The following PTPRD variants were observed in gnomAD, a reference collection of about 807,000 sequenced individuals.
The protein encoded by PTPRD is protein tyrosine phosphatase receptor type D, also known as receptor-type tyrosine-protein phosphatase delta.
In PTPRD, 34 loss-of-function variants were observed where a neutral mutation model predicts 214.5. The ratio of observed to expected loss-of-function variants is 0.16; its 90% confidence interval spans 0.12 to 0.21. The LOEUF is 0.21. Among genes scored for constraint, PTPRD ranks in the 10% least tolerant of loss-of-function variants. The pLI, the probability that PTPRD is intolerant of heterozygous loss-of-function variation, is 1.00. For missense variants in PTPRD, 2,545 were observed against 2,398.7 expected (o/e 1.06, Z -1.27); for synonymous variants, 1,128 against 845.7 (o/e 1.33, Z -5.79).
chr9:9,879,311 C>T (rs2067885012), intron 5 of PTPRD, among the ~76,000 whole-genome samples: 1 of 152,126 alleles, frequency 6.6e-6, no homozygotes, highest in South Asian at 2.1e-4. Context: ...CATCCCTGGC[C>T]TCTATCCATG....
At chr9:9,736,291 ATCTC>A (rs2098293462) in intron 6 of PTPRD, among the ~76,000 whole-genome samples, 4 of 152,122 alleles carry the variant, frequency 2.6e-5, no homozygotes, top group East Asian at 3.9e-4. Context: ...CATGTACTAC[ATCTC>A]TCTCTCTGTG....
intron 5 of PTPRD, among the ~76,000 whole-genome samples, chr9:9,832,146 G>A (rs780794605): frequency 1.3e-5 from 2 of 151,996 alleles, no homozygotes; most frequent in African/African-American, 2.4e-5. Flanking sequence ...AGCTGGTGTT[G>A]TGACATGTGC....
chr9:9,611,196 A>G (rs1456155817), intron 7 of PTPRD, among the ~76,000 whole-genome samples: 1 of 152,202 alleles, frequency 6.6e-6, no homozygotes, highest in Admixed American at 6.5e-5. Context: ...AAAATGCTTC[A>G]GTGAACATCT....
At chr9:10,502,267 A>G (rs1030814628) in intron 2 of PTPRD, among the ~76,000 whole-genome samples, 2 of 151,906 alleles carry the variant, frequency 1.3e-5, no homozygotes, top group South Asian at 2.1e-4. Flanking sequence ...TTAAGACTAC[A>G]TTAGAGAAAT....
At chr9:10,357,143 T>C (rs2097294412) in intron 2 of PTPRD, among the ~76,000 whole-genome samples, 1 of 152,042 alleles carries the variant, frequency 6.6e-6, no homozygotes, top group South Asian at 2.1e-4. Flanking sequence ...AACTAGCAAA[T>C]ATAACAGAAA....
At chr9:8,462,935 G>A (rs911102859) in intron 32 of PTPRD, among the ~76,000 whole-genome samples, 1 of 151,834 alleles carries the variant, frequency 6.6e-6, no homozygotes, top group African/African-American at 2.4e-5. Context: ...AAAGCAGCTA[G>A]CAATGAACCT....
chr9:9,891,803 G>C (rs1485540305), intron 5 of PTPRD, among the ~76,000 whole-genome samples: 4 of 152,104 alleles, frequency 2.6e-5, no homozygotes, highest in African/African-American at 9.7e-5. Flanking sequence ...ATGACTGGAA[G>C]AGTTCAGTTC....
At chr9:9,764,727 C>A (rs540521728) in intron 6 of PTPRD, among the ~76,000 whole-genome samples, 35 of 152,228 alleles carry the variant, frequency 2.3e-4, no homozygotes, top group African/African-American at 7.7e-4. Context: ...CATTTTATAT[C>A]TTAGGTAGCT....
At chr9:8,499,949 C>T in intron 24 of PTPRD, 109 bp from the exon 25 acceptor site, 1 of 852,408 alleles carries the variant, frequency 1.2e-6, no homozygotes, top group East Asian at 2.8e-5. Context: ...ATGGGTAAAC[C>T]CACTATGTTT....
chr9:8,403,853 C>A (rs190745918), intron 36 of PTPRD, among the ~76,000 whole-genome samples: 18 of 152,280 alleles, frequency 1.2e-4, no homozygotes, highest in Non-Finnish European at 1.5e-5. Flanking sequence ...CAAACAATCC[C>A]CTCTCCCCTT....
chr9:8,919,912 A>G (rs2098814852), intron 11 of PTPRD, among the ~76,000 whole-genome samples: 1 of 121,796 alleles, frequency 8.2e-6, no homozygotes, highest in Non-Finnish European at 2.0e-5. Context: ...ATGTATGCAT[A>G]AGTGGATGCA....
At chr9:8,455,202 C>G (rs2096140322) in intron 33 of PTPRD, among the ~76,000 whole-genome samples, 2 of 152,158 alleles carry the variant, frequency 1.3e-5, no homozygotes, top group Non-Finnish European at 2.9e-5. Flanking sequence ...GGATTAAGTG[C>G]ATCTTCAGTT....
At chr9:8,746,310 T>C (rs984488888) in intron 11 of PTPRD, among the ~76,000 whole-genome samples, 1 of 152,146 alleles carries the variant, frequency 6.6e-6, no homozygotes, top group Admixed American at 6.5e-5. Flanking sequence ...TGGTTATTTT[T>C]CAAAAGAAGT....
intron 5 of PTPRD, among the ~76,000 whole-genome samples, chr9:9,906,395 C>T (rs1038224111): frequency 4.0e-5 from 6 of 151,782 alleles, no homozygotes; most frequent in Admixed American, 6.6e-5. Flanking sequence ...ATATAGACTA[C>T]ACTATACAGA....
At chr9:8,805,508 A>G (rs1329126024) in intron 11 of PTPRD, among the ~76,000 whole-genome samples, 3 of 145,940 alleles carry the variant, frequency 2.1e-5, no homozygotes, top group Non-Finnish European at 4.5e-5. Flanking sequence ...ATTGCAATAG[A>G]AAAAAAAAAC....
intron 2 of PTPRD, among the ~76,000 whole-genome samples, chr9:10,413,645 A>G (rs879456457): frequency 6.6e-6 from 1 of 151,986 alleles, no homozygotes; most frequent in African/African-American, 2.4e-5. Context: ...GAGCCCAAAT[A>G]GCGAAGGCAA....
chr9:9,907,801 C>T (rs775205558), intron 5 of PTPRD, among the ~76,000 whole-genome samples: 5 of 151,898 alleles, frequency 3.3e-5, no homozygotes, highest in Non-Finnish European at 7.4e-5. Context: ...AAATCAGAAC[C>T]CTACTGATTC....
chr9:8,512,358 T>A (rs1251100365), intron 21 of PTPRD, among the ~76,000 whole-genome samples: 1 of 152,104 alleles, frequency 6.6e-6, no homozygotes, highest in African/African-American at 2.4e-5. Context: ...GAGAAAAAGT[T>A]AAATTTTATT....
intron 35 of PTPRD, among the ~76,000 whole-genome samples, chr9:8,414,953 GA>G (rs1481036583): frequency 6.5e-4 from 97 of 149,004 alleles, no homozygotes; most frequent in African/African-American, 2.3e-3. Flanking sequence ...GAGAGAGAGA[GA>G]GAGAGAGAGA....
Sources: gnomAD v4.1 joint callset for allele counts (sites outside exome capture counted in the v4.1 genomes callset) on GRCh38, gnomAD v4.1.1 for gene constraint, MANE v1.5 for transcripts, NCBI Gene and HGNC (gene_info 2026-07-23, HGNC 2026-07-21) for gene names.